The following ADCYAP1R1 variants were observed in gnomAD, a reference collection of about 807,000 sequenced individuals.
ADCYAP1R1 encodes ADCYAP receptor type I.
A neutral mutation model predicts 67.6 loss-of-function variants in ADCYAP1R1; 44 were observed. The ratio of observed to expected loss-of-function variants is 0.65; its 90% confidence interval spans 0.51 to 0.84. The LOEUF (loss-of-function observed/expected upper bound fraction) is 0.84, where lower values mean the gene tolerates loss of function less well. Among genes scored for constraint, ADCYAP1R1 ranks in the 40% least tolerant of loss-of-function variants. The pLI is 0.00. For missense variants in ADCYAP1R1, 477 were observed against 587.9 expected (o/e 0.81, Z 1.95); for synonymous variants, 222 against 219.6 (o/e 1.01, Z -0.10).
intron 6 of ADCYAP1R1, among the ~76,000 whole-genome samples, chr7:31,082,801 G>A (rs1166642118): frequency 6.6e-6 from 1 of 152,248 alleles, no homozygotes; most frequent in Non-Finnish European, 1.5e-5. Context: ...AGCTGGAGAA[G>A]GACTGTTGGA....
At position 31,102,882 on chromosome 7, in the gene ADCYAP1R1, AGG is replaced by A. The variant is rs386711791; in HGVS notation, c.1047-354_1047-353del. ...AACAGGAGAGCGGCTGCTCTGCCTG[AGG>A]ACCCTGCATTTCCCACAAGCTTGTC... On this transcript the variant is annotated intron_variant, in intron 13 of 15. Transcript: ENST00000304166. This position sits in a 1 kb window ranked among gnomAD's most constrained non-coding sequence, Gnocchi z 4.3. Among the ~76,000 whole-genome samples the A allele has an allele frequency of 7.9e-5, 12 of 152,322 alleles. No individual in the cohort carries two copies. The highest frequency in any genetic ancestry group is 2.9e-4 in the African/African-American group (12 of 41,576).
chr7:31,061,186 C>T (rs764152066), intron 1 of ADCYAP1R1, among the ~76,000 whole-genome samples: 16 of 152,230 alleles, frequency 1.1e-4, no homozygotes, highest in Non-Finnish European at 2.1e-4. Flanking sequence ...AGGGAATCGA[C>T]GCCTGATCTT....
intron 1 of ADCYAP1R1, among the ~76,000 whole-genome samples, chr7:31,056,079 G>A (rs898119155): frequency 2.0e-5 from 3 of 152,190 alleles, no homozygotes; most frequent in Admixed American, 6.5e-5. Flanking sequence ...GAAGCCACAC[G>A]GAAACCTGGG....
At chr7:31,100,673 T>A (rs946103388) in intron 13 of ADCYAP1R1, among the ~76,000 whole-genome samples, 1 of 152,138 alleles carries the variant, frequency 6.6e-6, no homozygotes, top group African/African-American at 2.4e-5. Flanking sequence ...ACAACAACTC[T>A]ATGAGCTGGG....
chr7:31,077,115 G>A (rs57939237), intron 3 of ADCYAP1R1, among the ~76,000 whole-genome samples: 4,032 of 152,288 alleles, frequency 0.026, 196 homozygotes, highest in African/African-American at 0.086. Flanking sequence ...TATTACCGGT[G>A]CAGGGCTGAG....
At chr7:31,072,421 C>A (rs1795029203) in intron 3 of ADCYAP1R1, among the ~76,000 whole-genome samples, 1 of 152,158 alleles carries the variant, frequency 6.6e-6, no homozygotes. Flanking sequence ...TGTGGGTGAA[C>A]ACTAACCGTC....
At chr7:31,082,402 A>ATACT (rs1478692073) in intron 6 of ADCYAP1R1, among the ~76,000 whole-genome samples, 1 of 152,230 alleles carries the variant, frequency 6.6e-6, no homozygotes, top group African/African-American at 2.4e-5. Flanking sequence ...AAAAGGGTTT[A>ATACT]TACTTCTCTG....
chr7:31,096,448 G>A (rs1796198901), intron 13 of ADCYAP1R1, among the ~76,000 whole-genome samples: 1 of 152,178 alleles, frequency 6.6e-6, no homozygotes, highest in African/African-American at 2.4e-5. Flanking sequence ...CTGCCAAGGA[G>A]CACCTGATCC....
chr7:31,104,800 C>A, intron 14 of ADCYAP1R1, 68 bp from the exon 15 acceptor site: 1 of 1,561,648 alleles, frequency 6.4e-7, no homozygotes, highest in South Asian at 1.1e-5. Context: ...GTCATCCCCT[C>A]CATGCCCCAC....
At position 31,078,052 on chromosome 7, in the gene ADCYAP1R1, C is replaced by T; in HGVS notation, c.219C>T (p.Val73=). ...CWKPAHVGEM[V]LVSCPELFRI... ...AGCCCGCCCATGTGGGTGAGATGGT[C>T]CTGGTCAGCTGCCCTGAGCTCTTCC... The change falls in exon 4 of 16, where the codon GTC becomes GTT. Residue 73 remains valine (V), a synonymous_variant. Coordinates refer to ENST00000304166, the MANE Select transcript of ADCYAP1R1 (RefSeq NM_001118.5). 6.2e-7 allele frequency: 1 copy of T among 1,613,252 alleles called. No homozygotes were observed. The highest frequency in any genetic ancestry group is 2.2e-5 in the East Asian group (1 of 44,872).
Position 31,107,126 on chromosome 7 carries a change from G to C in ADCYAP1R1, c.*442G>C, listed in dbSNP as rs1489180591. On this transcript the variant is annotated 3_prime_UTR_variant, in exon 16 of 16. Coordinates refer to ENST00000304166, the MANE Select transcript of ADCYAP1R1 (RefSeq NM_001118.5). ...CTGCCCCAACAGCCCCCCATCATCTGATTTTGGGTGTGACCCCTCGAGTGT... is the reference window on the plus strand; with the variant it reads ...CTGCCCCAACAGCCCCCCATCATCTCATTTTGGGTGTGACCCCTCGAGTGT... 2 of 160,312 alleles carry C rather than the reference G, an allele frequency of 1.2e-5. No homozygotes were observed. Among genetic ancestry groups the C allele is most frequent in the African/African-American group, 4.8e-5 (2 of 41,664 alleles). 9.9% of individuals were successfully genotyped at this position (160,312 alleles called of 1,614,324 possible).
At chr7:31,082,143 C>T (rs897041879) in intron 6 of ADCYAP1R1, among the ~76,000 whole-genome samples, 1 of 152,188 alleles carries the variant, frequency 6.6e-6, no homozygotes, top group Non-Finnish European at 1.5e-5. Context: ...TTTATTCCGC[C>T]TGGGGTGGGG....
intron 11 of ADCYAP1R1, 125 bp from the exon 12 acceptor site, chr7:31,087,502 A>C: frequency 1.2e-6 from 1 of 805,704 alleles, no homozygotes; most frequent in African/African-American, 1.7e-5. Flanking sequence ...TGTTCCAGCC[A>C]GCCCCTCCTC....
intron 3 of ADCYAP1R1, 31 bp from the exon 4 acceptor site, chr7:31,077,960 G>A (rs888816823): frequency 6.6e-7 from 1 of 1,525,114 alleles, no homozygotes; most frequent in Non-Finnish European, 9.0e-7. Flanking sequence ...TGTGTGGCTG[G>A]CCCCTCTCAC....
At chr7:31,103,583 C>T (rs370859364) in intron 14 of ADCYAP1R1, among the ~76,000 whole-genome samples, 1 of 152,114 alleles carries the variant, frequency 6.6e-6, no homozygotes, top group South Asian at 2.1e-4. Flanking sequence ...AGCCAGCTGC[C>T]CCCACTCCTG....
rs147422355 is a variant in ADCYAP1R1, at chr7:31,086,992, T to C, written c.873T>C (p.Phe291=). The C allele has an allele frequency of 1.2e-5, 20 of 1,614,162 alleles. No individual in the cohort carries two copies. The African/African-American group carries it at 1.7e-4, about 14-fold the overall frequency. The change falls in exon 11 of 16, where the codon TTT becomes TTC. Residue 291 remains phenylalanine, a synonymous_variant. Transcript: ENST00000304166. The surrounding 1 kb of genome is among the most constrained non-coding windows in gnomAD (Gnocchi z 5.0). The part of the protein sequence containing the change: ...VTVWATLRLY[F]DDTGCWDMND... ...TGTGGGCTACGCTGAGACTCTACTTTGATGACACAGGGTTAGTACATGCGC... is the reference window on the plus strand; with the variant it reads ...TGTGGGCTACGCTGAGACTCTACTTCGATGACACAGGGTTAGTACATGCGC...
intron 13 of ADCYAP1R1, chr7:31,095,589 C>T: frequency 4.2e-6 from 3 of 714,736 alleles, no homozygotes; most frequent in Non-Finnish European, 7.8e-6. Context: ...CCCTGGGGTA[C>T]CAGAGTTATG....
At chr7:31,084,645 G>A in intron 7 of ADCYAP1R1, 92 bp from the exon 8 acceptor site, 1 of 1,039,196 alleles carries the variant, frequency 9.6e-7, no homozygotes, top group South Asian at 1.3e-5. Flanking sequence ...AGGTGGGCAG[G>A]CCCTGGCCTG....
intron 3 of ADCYAP1R1, among the ~76,000 whole-genome samples, chr7:31,065,954 T>G (rs1010209016): frequency 6.6e-6 from 1 of 152,192 alleles, no homozygotes; most frequent in African/African-American, 2.4e-5. Flanking sequence ...TGCTTCTCAG[T>G]GAGCATTAAC....
Sources: gnomAD v4.1 joint callset for allele counts (sites outside exome capture counted in the v4.1 genomes callset) on GRCh38, gnomAD v4.1.1 for gene constraint, Gnocchi (gnomAD v3.1) non-coding constraint, MANE v1.5 for transcripts, NCBI Gene and HGNC (gene_info 2026-07-23, HGNC 2026-07-21) for gene names.